Variants in TBC1D9B observed in about 807,000 individuals in gnomAD.
TBC1D9B encodes TBC1 domain family, member 9B (with GRAM domain).
Under a neutral mutation model 121.1 loss-of-function variants are expected in TBC1D9B, and 87 were observed. That is an observed-to-expected ratio of 0.72 (90% CI 0.60 to 0.86). The LOEUF (loss-of-function observed/expected upper bound fraction) is 0.86. TBC1D9B is among the 40% of genes least tolerant of loss of function. TBC1D9B has a pLI of 0.00. For missense variants in TBC1D9B, 1,540 were observed against 1,628.6 expected (o/e 0.95, Z 0.94); for synonymous variants, 668 against 670.1 (o/e 1.00, Z 0.05).
At chr5:179,905,727 T>C (rs1019407907) in intron 1 of TBC1D9B, among the ~76,000 whole-genome samples, 1 of 152,274 alleles carries the variant, frequency 6.6e-6, no homozygotes. Context: ...TCGAGCAATC[T>C]AAAAACCTGT....
At position 179,867,859 on chromosome 5, in the gene TBC1D9B, G is replaced by A; in HGVS notation, c.2792-10C>T. On this transcript the variant is annotated splice_polypyrimidine_tract_variant and intron_variant, in intron 17 of 20. Transcript: ENST00000355235. ...TCCTCTGGGCTCAGAGCTGTGCTTGGAGAGAAGGCAGAGTGAGGGCAGGAG... is the reference window on the plus strand; with the variant it reads ...TCCTCTGGGCTCAGAGCTGTGCTTGAAGAGAAGGCAGAGTGAGGGCAGGAG... 2 of 1,511,064 alleles carry A rather than the reference G, an allele frequency of 1.3e-6. No homozygotes were observed. The highest frequency in any genetic ancestry group is 1.3e-5 in the South Asian group (1 of 74,760). The allele number at this position is 1,511,064 out of a possible 1,614,324, so 93.6% of individuals were successfully genotyped here. A position where few individuals can be genotyped will look rare whatever the true frequency, so the allele number is the denominator to read the frequency against.
chr5:179,900,285 G>C (rs1246538859), intron 2 of TBC1D9B, among the ~76,000 whole-genome samples: 1 of 152,220 alleles, frequency 6.6e-6, no homozygotes, highest in African/African-American at 2.4e-5. Context: ...CTCCCATTAA[G>C]GAATCGGGGA....
chr5:179,897,303 A>T (rs1257860849), intron 3 of TBC1D9B, among the ~76,000 whole-genome samples: 1 of 146,188 alleles, frequency 6.8e-6, no homozygotes, highest in African/African-American at 2.5e-5. Flanking sequence ...TAGTATTTCA[A>T]TCATTTTCTT....
chr5:179,906,284 T>C lies in TBC1D9B; in HGVS notation c.118+1420A>G, dbSNP rs375541571. Among the ~76,000 whole-genome samples the C allele has an allele frequency of 6.1e-4, 92 of 151,536 alleles. 1 individual carries two copies. In the East Asian group the frequency reaches 0.016, roughly 26 times the overall value. The stretch of plus-strand genomic sequence containing the variant: ...CACCAAACCTAGCAGTGGGGAGAGA[T>C]TGGGAGAGGGTTCAAAGAAGGGTTC... On this transcript the variant is annotated intron_variant, in intron 1 of 20. Transcript: ENST00000355235.
In TBC1D9B at chr5:179,894,368, A is replaced by G; in HGVS notation, c.577+18T>C. On this transcript the variant is annotated intron_variant, in intron 4 of 20. Coordinates refer to ENST00000355235, the MANE Select transcript of TBC1D9B (RefSeq NM_015043.4). ...GCTGAGGGTGTGGGGGCTGGGGCAC[A>G]CTGAGGGGCGGGCTCACCTTCCTTC... The G allele has an allele frequency of 2.5e-6, 4 of 1,599,280 alleles. No individual in the cohort carries two copies. The highest frequency in any genetic ancestry group is 3.4e-6 in the Non-Finnish European group (4 of 1,173,332).
chr5:179,900,303 C>T (rs557244739), intron 2 of TBC1D9B, among the ~76,000 whole-genome samples: 14 of 152,290 alleles, frequency 9.2e-5, no homozygotes, highest in African/African-American at 3.4e-4. Context: ...GGAAGAAGCC[C>T]CGGGGGAAGA....
chr5:179,902,160 C>T lies in TBC1D9B; in HGVS notation c.229+2542G>A, dbSNP rs1264682837. Among the ~76,000 whole-genome samples the T allele has an allele frequency of 6.6e-6, 1 of 152,226 alleles. No homozygotes were observed. The highest frequency in any genetic ancestry group is 6.5e-5 in the Admixed American group (1 of 15,290). ...GCTTCCACGTAAAAGCGTGTGCAGA[C>T]ACGTCATGTCCAGAGGAGTAAGGAG... On this transcript the variant is annotated intron_variant, in intron 2 of 20. Coordinates refer to ENST00000355235, the MANE Select transcript of TBC1D9B (RefSeq NM_015043.4). This position sits in a 1 kb window ranked among gnomAD's most constrained non-coding sequence, Gnocchi z 4.9.
rs1279732016 is a variant in TBC1D9B, at chr5:179,907,635, GCCCGCCGCCAGC to G, written c.118+57_118+68del. 4.4e-5 allele frequency: 38 copies of G among 856,726 alleles called. No homozygotes were observed. Among genetic ancestry groups the G allele is most frequent in the South Asian group, 2.6e-4 (5 of 19,572 alleles). 53.1% of individuals were successfully genotyped at this position (856,726 alleles called of 1,614,324 possible). ...CGGGCCGGAACCGGACCCGCCCGCCGCCCGCCGCCAGCCCCGCCGCCAGCCCAGCCGCGGCGC... is the reference window on the plus strand; with the variant it reads ...CGGGCCGGAACCGGACCCGCCCGCCGCCCGCCGCCAGCCCAGCCGCGGCGC... On this transcript the variant is annotated intron_variant, in intron 1 of 20. Coordinates refer to ENST00000355235, the MANE Select transcript of TBC1D9B (RefSeq NM_015043.4). The surrounding 1 kb of genome is among the most constrained non-coding windows in gnomAD (Gnocchi z 5.3).
Position 179,904,658 on chromosome 5 carries a change from AG to A in TBC1D9B, c.229+43del. On this transcript the variant is annotated intron_variant, in intron 2 of 20. Coordinates refer to ENST00000355235, the MANE Select transcript of TBC1D9B (RefSeq NM_015043.4). The surrounding 1 kb of genome is among the most constrained non-coding windows in gnomAD (Gnocchi z 4.2). The stretch of plus-strand genomic sequence containing the variant: ...CCTTCCTCTCGGCAACGGCCCTTCC[AG>A]GGCAGGCCCTGCCCAGCACCCCTCA... 6.6e-7 allele frequency: 1 copy of A among 1,512,412 alleles called. No individual in the cohort carries two copies. The highest frequency in any genetic ancestry group is 9.0e-7 in the Non-Finnish European group (1 of 1,114,930). The allele number at this position is 1,512,412 out of a possible 1,614,324, so 93.7% of individuals were successfully genotyped here.
intron 5 of TBC1D9B, among the ~76,000 whole-genome samples, chr5:179,892,722 A>C (rs1405083962): frequency 6.6e-6 from 1 of 152,124 alleles, no homozygotes; most frequent in African/African-American, 2.4e-5. Context: ...GCCTCTGGCC[A>C]AGGAGTCTCA....
At chr5:179,887,016 C>A (rs1241404745) in intron 7 of TBC1D9B, among the ~76,000 whole-genome samples, 2 of 152,120 alleles carry the variant, frequency 1.3e-5, no homozygotes, top group African/African-American at 4.8e-5. Flanking sequence ...AAAAAGTAAA[C>A]CAAAAAACTC....
chr5:179,889,175 G>A (rs1211650751), intron 6 of TBC1D9B, among the ~76,000 whole-genome samples: 1 of 152,034 alleles, frequency 6.6e-6, no homozygotes, highest in Non-Finnish European at 1.5e-5. Context: ...GACCACAGGT[G>A]CCCACCACCA....
rs766368472 is a variant in TBC1D9B at position 179,879,645 on chromosome 5, C to A, written c.1399G>T (p.Asp467Tyr). The A allele has an allele frequency of 1.2e-6, 2 of 1,614,042 alleles. No individual in the cohort carries two copies. The highest frequency in any genetic ancestry group is 1.3e-5 in the African/African-American group (1 of 75,058). The change falls in exon 8 of 21, where the codon GAC (aspartate) becomes TAC (tyrosine). Residue 467 changes from aspartate to tyrosine, a missense_variant. Physicochemically the swap from Asp to Tyr is radical, Grantham distance 160. Coordinates refer to ENST00000355235, the MANE Select transcript of TBC1D9B (RefSeq NM_015043.4). ...GGGCTCACCCCCTTGGCTCCAAGGT[C>A]CTCCATGGGCGAGTTTTTCTGGAAG... ...KLFQKNSPME[D>Y]LGAKGAKEKM...
chr5:179,871,670 C>T, intron 14 of TBC1D9B, 140 bp from the exon 15 acceptor site: 6 of 839,846 alleles, frequency 7.1e-6, no homozygotes, highest in South Asian at 6.3e-5. Flanking sequence ...CAAGGGCGGA[C>T]CCTTCGGGAG....
In TBC1D9B at chr5:179,893,240, G is replaced by A. The variant is rs376440134; in HGVS notation, c.805C>T (p.Arg269Trp). 52 of 1,612,510 alleles carry A rather than the reference G, an allele frequency of 3.2e-5. No homozygotes were observed. The African/African-American group carries it at 5.1e-4, about 16-fold the overall frequency. Reference protein sequence around the residue: ...LEDKALPRPIRPHRNISALKR... With the variant: ...LEDKALPRPIWPHRNISALKR... Reference sequence around the variant, plus strand: ...AGGGCTGAGATGTTCCTGTGTGGCCGGATGGGCCTAGGCAGGGCCTTGTCC... The same window carrying A: ...AGGGCTGAGATGTTCCTGTGTGGCCAGATGGGCCTAGGCAGGGCCTTGTCC... Residue 269 changes from arginine to tryptophan, a missense_variant, in exon 5 of 21, where the codon CGG becomes TGG. Arg to Trp is a moderately radical substitution (Grantham distance 101, BLOSUM62 -3). Transcript: ENST00000355235.
chr5:179,867,661 T>A (rs575082877), intron 18 of TBC1D9B, 117 bp downstream of exon 18: 146 of 1,520,636 alleles, frequency 9.6e-5, no homozygotes, highest in Non-Finnish European at 1.2e-4. Flanking sequence ...GAGAACCCCA[T>A]GCGGCCTGCT....
In TBC1D9B at chr5:179,870,441, G is replaced by A. The variant is rs1365185051; in HGVS notation, c.2539C>T (p.Arg847Trp). 6.8e-6 allele frequency: 11 copies of A among 1,613,120 alleles called. 1 individual carries two copies. The highest frequency in any genetic ancestry group is 6.6e-5 in the South Asian group (6 of 91,076). ...WGCSRTMAGR[R>W]DPSLPYLEQY... ...TCCAGGTAGGGCAGGCTGGGGTCCC[G>A]ACGGCCGGCCATTGTGCGGCTGCAC... Residue 847 changes from arginine to tryptophan, a missense_variant, in exon 16 of 21, where the codon CGG (arginine) becomes TGG (tryptophan). Physicochemically the swap from Arg to Trp is moderately radical, Grantham distance 101. Transcript: ENST00000355235.
At chr5:179,867,160 T>C (rs1041872479) in intron 18 of TBC1D9B, 21 of 359,958 alleles carry the variant, frequency 5.8e-5, no homozygotes, top group Non-Finnish European at 9.3e-5. Context: ...GCATTTTGTA[T>C]TTGTTTCCTA....
At chr5:179,899,387 A>C in intron 2 of TBC1D9B, 80 bp from the exon 3 acceptor site, 1 of 1,228,888 alleles carries the variant, frequency 8.1e-7, no homozygotes, top group Non-Finnish European at 1.2e-6. Flanking sequence ...GCGAGATGAA[A>C]GTGGGTGACC....
Sources: allele counts gnomAD v4.1 joint callset (sites outside exome capture counted in the v4.1 genomes callset), GRCh38; gene constraint gnomAD v4.1.1; non-coding constraint Gnocchi (gnomAD v3.1); transcripts MANE v1.5; gene names NCBI Gene and HGNC (gene_info 2026-07-23, HGNC 2026-07-21).